The following MAP7D3 variants were observed in gnomAD, a reference collection of about 807,000 sequenced individuals.
MAP7D3 encodes MAP7 domain-containing protein 3.
MAP7D3 carries 45 observed loss-of-function variants against 62.2 expected under a neutral mutation model. The ratio of observed to expected loss-of-function variants is 0.72; its 90% CI spans 0.57 to 0.93. The LOEUF is 0.93. MAP7D3 is among the 40% of genes least tolerant of loss of function. The pLI is 0.00. For missense variants in MAP7D3, 711 were observed against 683.1 expected (o/e 1.04, Z -0.45); for synonymous variants, 288 against 248.8 (o/e 1.16, Z -1.48).
chrX:136,215,108 T>G (rs1212642379), downstream of MAP7D3: 2 of 111,957 alleles, frequency 1.8e-5, no homozygotes, highest in African/African-American at 6.5e-5. Flanking sequence ...GCTACCACCA[T>G]TCTCATAAGC....
chrX:136,253,799 C>T (rs1176109959), upstream of MAP7D3, among the ~76,000 whole-genome samples: 1 of 110,878 alleles, frequency 9.0e-6, no homozygotes, highest in African/African-American at 3.3e-5. Flanking sequence ...CCAGCCTGGC[C>T]CAACATGGCG....
At chrX:136,228,500 G>C in intron 11 of MAP7D3, 123 bp downstream of exon 11, 1 of 698,970 alleles carries the variant, frequency 1.4e-6, no homozygotes, top group Non-Finnish European at 2.1e-6. Context: ...AGGCACTTCT[G>C]ATCCTCACTG....
chrX:136,228,687 G>A lies in MAP7D3; in HGVS notation c.1822C>T (p.Arg608Cys), dbSNP rs1485163118. Residue 608 changes from arginine (R) to cysteine (C), a missense_variant, in exon 11 of 19, where the codon CGC becomes TGC. Physicochemically the swap from Arg to Cys is radical, Grantham distance 180 (BLOSUM62 -3). Coordinates refer to ENST00000316077, the MANE Select transcript of MAP7D3 (RefSeq NM_024597.4). ...TTTTCTCTTTGTTCACGAGCAAGGC[G>A]GCGCAATTCTGTCAAAATTTTTGTT... ...AATKILTELRRLAREQREKEE... is the reference protein window; with the variant it reads ...AATKILTELRCLAREQREKEE... 1.7e-6 allele frequency: 2 copies of A among 1,205,988 alleles called. No individual in the cohort carries two copies. Among genetic ancestry groups the A allele is most frequent in the Admixed American group, 2.2e-5 (1 of 45,340 alleles).
chrX:136,230,772 C>T, intron 9 of MAP7D3, 67 bp downstream of exon 9: 2 of 1,102,561 alleles, frequency 1.8e-6, no homozygotes, highest in Admixed American at 2.5e-5. Context: ...TTTCACTCAT[C>T]AAACATTGAC....
At chrX:136,250,499 A>G (rs917013298) in intron 1 of MAP7D3, among the ~76,000 whole-genome samples, 5 of 111,357 alleles carry the variant, frequency 4.5e-5, no homozygotes, top group Admixed American at 9.5e-5. Flanking sequence ...TTGAGGAAAA[A>G]GCACTCTGAA....
chrX:136,252,845 C>T (rs1469545398), upstream of MAP7D3, among the ~76,000 whole-genome samples: 2 of 111,048 alleles, frequency 1.8e-5, no homozygotes, highest in African/African-American at 3.3e-5. Flanking sequence ...TAATCCCAGC[C>T]CCAGCACTTT....
At chrX:136,235,995 A>G (rs377711479) in intron 7 of MAP7D3, among the ~76,000 whole-genome samples, 23 of 112,157 alleles carry the variant, frequency 2.1e-4, no homozygotes, top group African/African-American at 7.1e-4. Flanking sequence ...CTATACCAAT[A>G]TTCTGTGATT....
chrX:136,231,026 CTTTTT>C, intron 8 of MAP7D3, 60 bp from the exon 9 acceptor site: 1 of 669,883 alleles, frequency 1.5e-6, no homozygotes, highest in Non-Finnish European at 2.1e-6. Context: ...CTGCAGCTGG[CTTTTT>C]TTTTTTTTTT....
At chrX:136,245,549 C>T (rs1372225774) in intron 3 of MAP7D3, among the ~76,000 whole-genome samples, 1 of 110,950 alleles carries the variant, frequency 9.0e-6, no homozygotes, top group East Asian at 2.8e-4. Flanking sequence ...AGATCAAGAC[C>T]ACCCGGGCTA....
At chrX:136,219,733 G>C (rs373214688) in intron 16 of MAP7D3, 62 bp from the exon 17 acceptor site, 178 of 867,659 alleles carry the variant, frequency 2.1e-4, no homozygotes, top group Non-Finnish European at 2.6e-4. Flanking sequence ...TGGCCTAAAA[G>C]AAGCTTTGTC....
chrX:136,251,178 CA>C (rs1265941486), intron 1 of MAP7D3, 110 bp downstream of exon 1: 1 of 634,512 alleles, frequency 1.6e-6, no homozygotes, highest in African/African-American at 2.4e-5. Context: ...GAGGCGACTC[CA>C]GGGAAAAGTT....
At chrX:136,251,458 CG>C, upstream of MAP7D3, 1 of 167,392 alleles carries the variant, frequency 6.0e-6, no homozygotes, top group Non-Finnish European at 7.7e-6. Flanking sequence ...GTGGGCGGGG[CG>C]GGGCGGGGCG....
chrX:136,256,334 A>C (rs980236876), upstream of MAP7D3: 35 of 1,153,060 alleles, frequency 3.0e-5, no homozygotes, highest in African/African-American at 5.8e-4. Context: ...CACTTGGTTG[A>C]TGGCAGCCTT....
chrX:136,227,219 T>C, intron 12 of MAP7D3, 65 bp downstream of exon 12: 1 of 1,043,293 alleles, frequency 9.6e-7, no homozygotes, highest in East Asian at 3.2e-5. Flanking sequence ...AGATTTTTGC[T>C]CTGGGTTCCA....
chrX:136,241,327 T>C (rs751579825), intron 4 of MAP7D3, 50 bp from the exon 5 acceptor site: 1 of 726,330 alleles, frequency 1.4e-6, no homozygotes, highest in South Asian at 2.4e-5. Flanking sequence ...CAAATTAGTA[T>C]AATTTTGATC....
intron 1 of MAP7D3, among the ~76,000 whole-genome samples, chrX:136,250,790 T>C (rs2074496084): frequency 8.9e-6 from 1 of 111,840 alleles, no homozygotes; most frequent in Non-Finnish European, 1.9e-5. Context: ...TAACTCAAAC[T>C]TTCCGTGCCT....
At chrX:136,223,308 T>C (rs772484991) in intron 14 of MAP7D3, among the ~76,000 whole-genome samples, 8 of 111,274 alleles carry the variant, frequency 7.2e-5, no homozygotes, top group Admixed American at 1.9e-4. Flanking sequence ...TCTTGTAGCA[T>C]AGAATGTAAA....
chrX:136,213,312 C>A (rs1373251293), downstream of MAP7D3: 1 of 111,270 alleles, frequency 9.0e-6, no homozygotes. Context: ...TTCCCCTTAA[C>A]AATTTGTCAG....
rs373207756 is a variant in MAP7D3 at position 136,232,145 on chromosome X, G to A, written c.812C>T (p.Ala271Val). The A allele has an allele frequency of 2.5e-6, 3 of 1,205,079 alleles. No homozygotes were observed. The African/African-American group carries it at 5.2e-5, about 21-fold the overall frequency. The change falls in exon 8 of 19, where the codon GCT becomes GTT. Residue 271 changes from alanine to valine, a missense_variant. Physicochemically the swap from Ala to Val is moderately conservative, Grantham distance 64 (BLOSUM62 0). Coordinates refer to ENST00000316077, the MANE Select transcript of MAP7D3 (RefSeq NM_024597.4). ...LRKCTSDELR[A>V]VMFPMSTMKI... ...CATTGTCGACATGGGAAACATAACAGCCCTCAATTCGTCGCTAGTACATTT... is the reference window on the plus strand; with the variant it reads ...CATTGTCGACATGGGAAACATAACAACCCTCAATTCGTCGCTAGTACATTT...
Sources: allele counts gnomAD v4.1 joint callset (sites outside exome capture counted in the v4.1 genomes callset), GRCh38; gene constraint gnomAD v4.1.1; transcripts MANE v1.5; gene names NCBI Gene and HGNC (gene_info 2026-07-23, HGNC 2026-07-21).